The following GALNT13 variants were observed in gnomAD, a reference collection of about 807,000 sequenced individuals.
GALNT13 encodes UDP-GalNAc:polypeptide N-acetylgalactosaminyltransferase 13.
A neutral mutation model predicts 64.2 loss-of-function variants in GALNT13; 28 were observed. That is an observed-to-expected ratio of 0.44 (90% CI 0.32 to 0.60). The LOEUF is 0.60. Ranked by LOEUF, GALNT13 falls within the 20% of genes least tolerant of loss-of-function variation. GALNT13 has a pLI of 0.05. For missense variants in GALNT13, 577 were observed against 669.8 expected (o/e 0.86, Z 1.53); for synonymous variants, 214 against 224.6 (o/e 0.95, Z 0.42).
At chr2:153,557,582 A>T in the GALNT13 span, among the ~76,000 whole-genome samples, 1 of 152,144 alleles carries the variant, frequency 6.6e-6, no homozygotes, top group South Asian at 2.1e-4. Flanking sequence ...AACATTTGCA[A>T]CACCAGTTTG....
the GALNT13 span, among the ~76,000 whole-genome samples, chr2:153,242,955 T>G: frequency 2.6e-5 from 4 of 152,236 alleles, no homozygotes; most frequent in African/African-American, 9.6e-5. Context: ...TTTTGACTTT[T>G]GGGATTATCG....
chr2:153,909,961 A>G (rs1238823618), intron 2 of GALNT13, among the ~76,000 whole-genome samples: 1 of 151,880 alleles, frequency 6.6e-6, no homozygotes, highest in Non-Finnish European at 1.5e-5. Context: ...GTTGGGGAGG[A>G]GTCCCTCTTC....
At position 154,061,042 on chromosome 2, in the gene GALNT13, T is replaced by TCTTAGCTTC. The variant is rs70981700; in HGVS notation, c.143-79295_143-79294insCTTAGCTTC. On this transcript the variant is annotated intron_variant, in intron 3 of 12. Transcript: ENST00000392825. The stretch of plus-strand genomic sequence containing the variant: ...ATTGTGCTAAGTAGTCTTCTTAGCT[T>TCTTAGCTTC]ATATATATAAAGTTTTTATTAGAAA... 7.9e-5 allele frequency among the ~76,000 whole-genome samples: 12 copies of TCTTAGCTTC among 151,526 alleles called. No homozygotes were observed. In the South Asian group the frequency reaches 2.3e-3, roughly 29 times the overall value.
At chr2:154,359,636 A>G (rs946647081) in intron 9 of GALNT13, among the ~76,000 whole-genome samples, 2 of 151,932 alleles carry the variant, frequency 1.3e-5, no homozygotes, top group Non-Finnish European at 2.9e-5. Flanking sequence ...TCCATAGGCC[A>G]CTCGTTCTTC....
At chr2:153,224,110 A>C in the GALNT13 span, among the ~76,000 whole-genome samples, 10 of 152,260 alleles carry the variant, frequency 6.6e-5, no homozygotes, top group Non-Finnish European at 1.5e-4. Flanking sequence ...TTAGGAAAAC[A>C]GAAGAGCAAT....
At chr2:153,521,419 A>G in the GALNT13 span, among the ~76,000 whole-genome samples, 1 of 152,224 alleles carries the variant, frequency 6.6e-6, no homozygotes, top group Admixed American at 6.5e-5. Context: ...GGGCAAAATT[A>G]AGAGGGAAGT....
At chr2:153,257,080 A>G in the GALNT13 span, among the ~76,000 whole-genome samples, 16 of 152,236 alleles carry the variant, frequency 1.1e-4, no homozygotes, top group African/African-American at 3.9e-4. Context: ...TTGATCTCAG[A>G]CTGCTGTGCT....
the GALNT13 span, among the ~76,000 whole-genome samples, chr2:153,562,667 C>A: frequency 6.6e-6 from 1 of 151,982 alleles, no homozygotes; most frequent in Non-Finnish European, 1.5e-5. Flanking sequence ...ACCTTGTGTT[C>A]AATATTCTTG....
chr2:153,534,421 A>C, the GALNT13 span, among the ~76,000 whole-genome samples: 1 of 151,688 alleles, frequency 6.6e-6, no homozygotes, highest in Non-Finnish European at 1.5e-5. Context: ...CCCCTTTTAG[A>C]TGAAACAGGA....
the GALNT13 span, among the ~76,000 whole-genome samples, chr2:153,242,770 T>C: frequency 2.2e-4 from 34 of 152,184 alleles, no homozygotes; most frequent in Non-Finnish European, 3.5e-4. Flanking sequence ...GATGCCCACA[T>C]GGGAGAACCT....
At chr2:153,623,376 T>TTG in the GALNT13 span, among the ~76,000 whole-genome samples, 8 of 152,106 alleles carry the variant, frequency 5.3e-5, no homozygotes, top group Non-Finnish European at 1.0e-4. Flanking sequence ...AATATAAAAT[T>TTG]GTAGTTTTGG....
the GALNT13 span, among the ~76,000 whole-genome samples, chr2:153,156,598 A>C: frequency 6.6e-6 from 1 of 152,150 alleles, no homozygotes; most frequent in Non-Finnish European, 1.5e-5. Flanking sequence ...GATATATGTC[A>C]TGTTTTCTTT....
At chr2:154,234,848 C>T (rs1424103913) in intron 4 of GALNT13, among the ~76,000 whole-genome samples, 2 of 151,960 alleles carry the variant, frequency 1.3e-5, no homozygotes, top group Non-Finnish European at 2.9e-5. Flanking sequence ...ATAAGGTGAA[C>T]CTTCCTTCTG....
At chr2:154,071,016 A>G (rs796260762) in intron 3 of GALNT13, among the ~76,000 whole-genome samples, 14 of 152,224 alleles carry the variant, frequency 9.2e-5, no homozygotes, top group African/African-American at 3.4e-4. Context: ...ATGGATACCA[A>G]TAAGGTTTTT....
At chr2:154,179,162 A>G (rs112621101) in intron 4 of GALNT13, among the ~76,000 whole-genome samples, 62 of 152,324 alleles carry the variant, frequency 4.1e-4, no homozygotes, top group African/African-American at 1.4e-3. Context: ...TACCCCAGGT[A>G]TGTTAAGTAG....
At chr2:153,534,072 C>T in the GALNT13 span, among the ~76,000 whole-genome samples, 1 of 152,132 alleles carries the variant, frequency 6.6e-6, no homozygotes, top group Admixed American at 6.5e-5. Flanking sequence ...TATTGCTCAT[C>T]TTTTCTTGCA....
chr2:153,299,049 T>C, the GALNT13 span, among the ~76,000 whole-genome samples: 23 of 152,306 alleles, frequency 1.5e-4, no homozygotes, highest in African/African-American at 5.3e-4. Flanking sequence ...GACAAATGTA[T>C]TCCCCACTCC....
At chr2:153,161,013 A>G in the GALNT13 span, among the ~76,000 whole-genome samples, 6 of 152,210 alleles carry the variant, frequency 3.9e-5, no homozygotes, top group East Asian at 1.2e-3. Flanking sequence ...AGATAGATTT[A>G]AAATATACTA....
chr2:153,858,999 G>T, the GALNT13 span, among the ~76,000 whole-genome samples: 1 of 152,188 alleles, frequency 6.6e-6, no homozygotes, highest in Non-Finnish European at 1.5e-5. Flanking sequence ...CTCCTAAAGT[G>T]CTGGGATTAC....
Sources: gnomAD v4.1 joint callset for allele counts (sites outside exome capture counted in the v4.1 genomes callset) on GRCh38, gnomAD v4.1.1 for gene constraint, MANE v1.5 for transcripts, NCBI Gene and HGNC (gene_info 2026-07-23, HGNC 2026-07-21) for gene names.